The following TMEM154 variants were observed in gnomAD, a reference collection of about 807,000 sequenced individuals.
The protein encoded by TMEM154 is transmembrane protein 154.
TMEM154 carries 27 observed loss-of-function variants against 24.5 expected under a neutral mutation model. That is an observed-to-expected ratio of 1.10 (90% confidence interval 0.81 to 1.52). The LOEUF is 1.52. TMEM154 is among the 40% of genes most tolerant of loss of function. The probability of loss-of-function intolerance (pLI) is 0.00; values close to 1 mark genes in which losing one functional copy is unlikely to be tolerated. For synonymous variants in TMEM154, 67 were observed against 76.8 expected, an observed-to-expected ratio of 0.87 and a Z score of 0.67; for missense variants, 228 against 213.4, an observed-to-expected ratio of 1.07 and a Z score of -0.43.
Position 152,625,019 on chromosome 4 carries a change from A to T in TMEM154, c.*3527T>A, listed in dbSNP as rs1751894214. The T allele has an allele frequency of 6.6e-6, 1 of 152,240 alleles. No homozygotes were observed. Among genetic ancestry groups the T allele is most frequent in the African/African-American group, 2.4e-5 (1 of 41,452 alleles). The allele number at this position is 152,240 out of a possible 1,614,324, so 9.4% of individuals were successfully genotyped here. A position where few individuals can be genotyped will look rare whatever the true frequency, so the allele number is the denominator to read the frequency against. On this transcript the variant is annotated 3_prime_UTR_variant, in exon 7 of 7. Transcript: ENST00000304385. Reference sequence around the variant, plus strand: ...GCATGAAACCATGTCTTATCACTCCACCAGATTCAGAATTGGTACTAATTC... The same window carrying T: ...GCATGAAACCATGTCTTATCACTCCTCCAGATTCAGAATTGGTACTAATTC...
At chr4:152,679,824 C>G (rs777277680) in intron 1 of TMEM154, 46 bp downstream of exon 1, 1 of 1,581,008 alleles carries the variant, frequency 6.3e-7, no homozygotes, top group South Asian at 1.2e-5. Flanking sequence ...ACCCTACCAG[C>G]TTTTGCGATC....
At chr4:152,646,138 TG>T (rs1297221039) in intron 3 of TMEM154, among the ~76,000 whole-genome samples, 1 of 151,296 alleles carries the variant, frequency 6.6e-6, no homozygotes, top group Admixed American at 6.6e-5. Context: ...CCTTTTCCCC[TG>T]CTGAATAAAC....
rs1025654803 is a variant in TMEM154, at chr4:152,628,290, C to G, written c.*256G>C. On this transcript the variant is annotated 3_prime_UTR_variant, in exon 7 of 7. Transcript: ENST00000304385. ...GTTGATCAGAAGTGAGCACATCACC[C>G]GCCTCCTTCTCCACCCTCAGAGGCA... The G allele has an allele frequency of 1.7e-6, 1 of 602,058 alleles. No individual in the cohort carries two copies. Among genetic ancestry groups the G allele is most frequent in the Non-Finnish European group, 2.9e-6 (1 of 347,592 alleles). The allele number at this position is 602,058 out of a possible 1,614,324, so 37.3% of individuals were successfully genotyped here.
At chr4:152,658,465 A>C (rs1183132564) in intron 1 of TMEM154, among the ~76,000 whole-genome samples, 4 of 152,180 alleles carry the variant, frequency 2.6e-5, no homozygotes, top group Non-Finnish European at 5.9e-5. Context: ...TGAAATAGAG[A>C]CTAAAAACAA....
intron 5 of TMEM154, chr4:152,641,334 ACGTG>A: frequency 4.8e-6 from 1 of 207,908 alleles, no homozygotes; most frequent in East Asian, 1.3e-4. Flanking sequence ...TGAGGTTCCA[ACGTG>A]TCTGCAGAAT....
In TMEM154 at chr4:152,627,542, C is replaced by T. The variant is rs1347890734; in HGVS notation, c.*1004G>A. The T allele has an allele frequency of 6.6e-6, 1 of 152,208 alleles. No individual in the cohort carries two copies. The highest frequency in any genetic ancestry group is 1.5e-5 in the Non-Finnish European group (1 of 68,028). 9.4% of individuals were successfully genotyped at this position (152,208 alleles called of 1,614,324 possible). On this transcript the variant is annotated 3_prime_UTR_variant, in exon 7 of 7. Transcript: ENST00000304385. The stretch of plus-strand genomic sequence containing the variant: ...CACATAGAATGTCATCTCTGATGGA[C>T]TGACAGAGACCTCCTGTTGTGCTGT...
Position 152,628,572 on chromosome 4 carries a change from A to C in TMEM154, c.537-11T>G, listed in dbSNP as rs766567643. The C allele has an allele frequency of 9.9e-6, 12 of 1,207,770 alleles. No individual in the cohort carries two copies. The African/African-American group carries it at 1.7e-4, about 17-fold the overall frequency. The allele number at this position is 1,207,770 out of a possible 1,614,324, so 74.8% of individuals were successfully genotyped here. ...TAGGATTCACTGTCACTGTAAAAAA[A>C]AAAAAAAAAAAAAAAAAAAACAAAA... On this transcript the variant is annotated splice_polypyrimidine_tract_variant and intron_variant, in intron 6 of 6. Transcript: ENST00000304385.
intron 6 of TMEM154, among the ~76,000 whole-genome samples, chr4:152,636,748 T>C (rs1423490373): frequency 6.6e-6 from 1 of 152,214 alleles, no homozygotes; most frequent in Non-Finnish European, 1.5e-5. Flanking sequence ...AGAAGCATGG[T>C]GGTCGTAGGT....
intron 6 of TMEM154, among the ~76,000 whole-genome samples, chr4:152,634,259 A>G (rs1347260358): frequency 6.6e-6 from 1 of 152,156 alleles, no homozygotes; most frequent in Non-Finnish European, 1.5e-5. Flanking sequence ...TAGATAAGTC[A>G]TCTTTGTTCT....
chr4:152,620,744 G>A lies in TMEM154; in HGVS notation c.*7802C>T, dbSNP rs6837152. 0.017 allele frequency: 2,565 copies of A among 152,132 alleles called. 86 individuals carry two copies. The highest frequency in any genetic ancestry group is 0.059 in the African/African-American group (2,445 of 41,492). The allele number at this position is 152,132 out of a possible 1,614,324, so 9.4% of individuals were successfully genotyped here. A position where few individuals can be genotyped will look rare whatever the true frequency, so the allele number is the denominator to read the frequency against. On this transcript the variant is annotated 3_prime_UTR_variant, in exon 7 of 7. Coordinates refer to ENST00000304385, the MANE Select transcript of TMEM154 (RefSeq NM_152680.3). ...TCAAACTCCTGACCTCAGGTGATCCGCCTGCCTCGGCCTCCCAAAGTGGTG... is the reference window on the plus strand; with the variant it reads ...TCAAACTCCTGACCTCAGGTGATCCACCTGCCTCGGCCTCCCAAAGTGGTG...
chr4:152,657,461 C>T (rs1728512867), intron 1 of TMEM154, among the ~76,000 whole-genome samples: 1 of 152,078 alleles, frequency 6.6e-6, no homozygotes, highest in Non-Finnish European at 1.5e-5. Flanking sequence ...TTGCAGTGAG[C>T]TGAGATTGTG....
At chr4:152,631,827 C>G (rs1419360125) in intron 6 of TMEM154, among the ~76,000 whole-genome samples, 1 of 81,872 alleles carries the variant, frequency 1.2e-5, no homozygotes, top group African/African-American at 5.1e-5. Context: ...TTTTTTGAGA[C>G]AGAGTCTCGC....
chr4:152,641,661 C>CTTTTTTTTT (rs5863014), intron 5 of TMEM154, among the ~76,000 whole-genome samples: 1 of 126,948 alleles, frequency 7.9e-6, no homozygotes, highest in Non-Finnish European at 1.7e-5. Flanking sequence ...TTTCTTCTAC[C>CTTTTTTTTT]TTTTTTTTTT....
At chr4:152,679,044 T>C (rs887226460) in intron 1 of TMEM154, among the ~76,000 whole-genome samples, 3 of 152,186 alleles carry the variant, frequency 2.0e-5, no homozygotes, top group Admixed American at 2.0e-4. Flanking sequence ...ACAGAAACAA[T>C]GGGCAGCCAG....
At chr4:152,650,492 C>T (rs1251544507) in intron 3 of TMEM154, among the ~76,000 whole-genome samples, 4 of 152,178 alleles carry the variant, frequency 2.6e-5, no homozygotes, top group African/African-American at 9.7e-5. Flanking sequence ...TCCTAGTTCT[C>T]TTGTTCTTTC....
At chr4:152,659,702 G>T (rs945919866) in intron 1 of TMEM154, among the ~76,000 whole-genome samples, 1 of 152,104 alleles carries the variant, frequency 6.6e-6, no homozygotes. Flanking sequence ...GAGTTAAGTG[G>T]CTTTGTCCTA....
At chr4:152,671,758 A>AAAAG (rs1445032146) in intron 1 of TMEM154, among the ~76,000 whole-genome samples, 4 of 149,824 alleles carry the variant, frequency 2.7e-5, no homozygotes, top group Non-Finnish European at 5.9e-5. Flanking sequence ...AAAAAAAAAA[A>AAAAG]AAAAAAAAAA....
intron 3 of TMEM154, 33 bp downstream of exon 3, chr4:152,652,505 C>T (rs1177176296): frequency 5.6e-6 from 9 of 1,611,870 alleles, no homozygotes; most frequent in Non-Finnish European, 7.6e-6. Context: ...AATCCCACCC[C>T]CACCTGTAGG....
intron 1 of TMEM154, among the ~76,000 whole-genome samples, chr4:152,676,797 T>A (rs1728959563): frequency 6.6e-6 from 1 of 152,214 alleles, no homozygotes; most frequent in South Asian, 2.1e-4. Flanking sequence ...CCAATACTTA[T>A]ATAATTCTTA....
Sources: gnomAD v4.1 joint callset for allele counts (sites outside exome capture counted in the v4.1 genomes callset) on GRCh38, gnomAD v4.1.1 for gene constraint, MANE v1.5 for transcripts, NCBI Gene and HGNC (gene_info 2026-07-23, HGNC 2026-07-21) for gene names.